The following RUFY4 variants were observed in gnomAD, a reference collection of about 807,000 sequenced individuals.
The protein encoded by RUFY4 is RUN and FYVE domain containing 4, also known as RUN and FYVE domain-containing protein 4.
RUFY4 carries 73 observed loss-of-function variants against 69.0 expected under a neutral mutation model. That is an observed-to-expected ratio of 1.06 (90% CI 0.88 to 1.29). The LOEUF (loss-of-function observed/expected upper bound fraction) is 1.29, where lower values mean the gene tolerates loss of function less well. Ranked by LOEUF, RUFY4 falls within the 50% of genes most tolerant of loss-of-function variation. The pLI, the probability that RUFY4 is intolerant of heterozygous loss-of-function variation, is 0.00. For missense variants in RUFY4, 770 were observed against 705.6 expected, an observed-to-expected ratio of 1.09 and a Z score of -1.03; for synonymous variants, 287 against 271.8, an observed-to-expected ratio of 1.06 and a Z score of -0.55.
chr2:218,071,284 AC>A (rs895181663), intron 2 of RUFY4, among the ~76,000 whole-genome samples: 1 of 151,278 alleles, frequency 6.6e-6, no homozygotes, highest in Non-Finnish European at 1.5e-5. Flanking sequence ...CTTGATGTCC[AC>A]CCCCCAACAC....
At chr2:218,089,304 G>C (rs749470049) in exon 10 of RUFY4, 1 of 1,613,842 alleles carries the variant, frequency 6.2e-7, no homozygotes, top group Non-Finnish European at 8.5e-7. Context: ...CATGGCTCCC[G>C]AGTGCTGTGT....
At chr2:218,067,923 C>G (rs1323117428), upstream of RUFY4, among the ~76,000 whole-genome samples, 1 of 152,152 alleles carries the variant, frequency 6.6e-6, no homozygotes, top group Non-Finnish European at 1.5e-5. Flanking sequence ...GCAAGGAGAC[C>G]CACCAACAGG....
At chr2:218,076,228 A>C (rs534580845) in intron 7 of RUFY4, among the ~76,000 whole-genome samples, 199 bp from the exon 10 acceptor site, 4 of 152,290 alleles carry the variant, frequency 2.6e-5, no homozygotes, top group African/African-American at 9.6e-5. Context: ...TCCACCCTTC[A>C]GTGAAGGAAG....
chr2:218,058,218 C>T (rs13397894), intron 2 of RUFY4, among the ~76,000 whole-genome samples: 35,276 of 152,160 alleles, frequency 0.23, 5,155 homozygotes, highest in East Asian at 0.4. Flanking sequence ...TCAAAATGAC[C>T]CGAGTTGTCC....
intron 3 of RUFY4, chr2:218,060,886 G>A (rs377690329): frequency 5.4e-5 from 64 of 1,175,240 alleles, no homozygotes; most frequent in Admixed American, 1.0e-4. Flanking sequence ...AGCAAGATGC[G>A]TAGGGACAGT....
chr2:218,090,433 T>G, exon 11 of RUFY4: 1 of 233,830 alleles, frequency 4.3e-6, no homozygotes, highest in South Asian at 6.5e-5. Flanking sequence ...CCACCTTTCC[T>G]GATTCACGAG....
chr2:218,058,015 G>T (rs1689100566), intron 2 of RUFY4, among the ~76,000 whole-genome samples: 1 of 152,206 alleles, frequency 6.6e-6, no homozygotes, highest in African/African-American at 2.4e-5. Flanking sequence ...TGTAGGATAG[G>T]TTTGTAGTAG....
At chr2:218,070,341 G>A (rs112057429), upstream of RUFY4, 1 of 534,892 alleles carries the variant, frequency 1.9e-6, no homozygotes. Flanking sequence ...AATGGGACAA[G>A]GACATCAAGT....
chr2:218,065,009 G>A (rs905100626), upstream of RUFY4, among the ~76,000 whole-genome samples: 9 of 152,132 alleles, frequency 5.9e-5, no homozygotes, highest in African/African-American at 1.2e-4. Flanking sequence ...CAGTCCTAGC[G>A]CAAGTTCTGG....
intron 9 of RUFY4, among the ~76,000 whole-genome samples, chr2:218,088,965 ACC>A (rs1381080556): frequency 1.8e-5 from 2 of 111,994 alleles, no homozygotes; most frequent in Admixed American, 8.9e-5. Flanking sequence ...CCTTCTCTCC[ACC>A]CCTCTCTCTC....
intron 2 of RUFY4, among the ~76,000 whole-genome samples, chr2:218,047,389 T>C (rs1043922445): frequency 1.3e-5 from 2 of 152,144 alleles, no homozygotes; most frequent in Admixed American, 6.5e-5. Context: ...TCTGCAACTT[T>C]CTGTATCTAT....
intron 8 of RUFY4, 131 bp downstream of exon 10, chr2:218,076,664 G>A: frequency 1.4e-6 from 2 of 1,415,238 alleles, no homozygotes; most frequent in East Asian, 2.8e-5. Flanking sequence ...ACACCTTTGG[G>A]ATCTGAGGCC....
chr2:218,081,941 C>G (rs1689767586), intron 8 of RUFY4, among the ~76,000 whole-genome samples: 1 of 152,224 alleles, frequency 6.6e-6, no homozygotes, highest in Non-Finnish European at 1.5e-5. Context: ...CTCTTCCGCT[C>G]AAACACACTC....
intron 2 of RUFY4, among the ~76,000 whole-genome samples, chr2:218,052,920 G>T (rs1408316400): frequency 6.6e-6 from 1 of 151,306 alleles, no homozygotes; most frequent in Non-Finnish European, 1.5e-5. Flanking sequence ...ATAAATGACT[G>T]TTATTTCAAA....
chr2:218,060,063 T>TGCCGTA, intron 3 of RUFY4: 1 of 273,858 alleles, frequency 3.7e-6, no homozygotes, highest in Admixed American at 4.8e-5. Flanking sequence ...AGTGTAGATT[T>TGCCGTA]TCACTTCTTA....
intron 9 of RUFY4, among the ~76,000 whole-genome samples, chr2:218,088,474 A>G (rs1165057582): frequency 1.3e-5 from 2 of 152,088 alleles, no homozygotes; most frequent in African/African-American, 4.8e-5. Context: ...AAAAAAAGAA[A>G]AGAAAAAAGA....
intron 2 of RUFY4, among the ~76,000 whole-genome samples, chr2:218,042,734 G>T (rs553018418): frequency 1.3e-5 from 2 of 152,152 alleles, no homozygotes; most frequent in South Asian, 4.2e-4. Flanking sequence ...GAAGGGCTCG[G>T]GAAAGGGGCA....
At chr2:218,073,032 G>T (rs891649835) in intron 4 of RUFY4, 147 bp downstream of exon 6, 8 of 943,336 alleles carry the variant, frequency 8.5e-6, no homozygotes, top group Non-Finnish European at 1.1e-5. Flanking sequence ...GGGAGAAAGG[G>T]CAGAGGGAGG....
chr2:218,073,302 ACTCT>A lies in RUFY4; in HGVS notation c.451_454del (p.Leu151MetfsTer124), dbSNP rs773012062. 3 of 1,560,348 alleles carry A rather than the reference ACTCT, an allele frequency of 1.9e-6. No individual in the cohort carries two copies. The highest frequency in any genetic ancestry group is 2.4e-5 in the East Asian group (1 of 41,784). ...CCAGAACGCCAAGAAGACATCCTGG[ACTCT>A]CTCTATGCTCTCAATGGGGTGGCCT... On this transcript the variant is annotated frameshift_variant, in exon 5 of 11. Transcript: ENST00000344321. LOFTEE classifies it high-confidence loss of function.
Sources: gnomAD v4.1 joint callset for allele counts (sites outside exome capture counted in the v4.1 genomes callset) on GRCh38, gnomAD v4.1.1 for gene constraint, MANE v1.5 for transcripts, NCBI Gene and HGNC (gene_info 2026-07-23, HGNC 2026-07-21) for gene names.